STK32B: variants seen among roughly 807,000 people sequenced by gnomAD.
STK32B encodes serine/threonine-protein kinase 32B.
A neutral mutation model predicts 52.6 loss-of-function variants in STK32B; 43 were observed. The observed-to-expected ratio is 0.82, with a 90% CI of 0.64 to 1.05. STK32B has a LOEUF of 1.05. STK32B is among the 50% of genes least tolerant of loss of function. STK32B has a pLI of 0.00. For missense variants in STK32B, 621 were observed against 534.6 expected, an observed-to-expected ratio of 1.16 and a Z score of -1.59; for synonymous variants, 238 against 204.3, an observed-to-expected ratio of 1.17 and a Z score of -1.41.
chr4:5,288,689 T>C (rs548187510), intron 3 of STK32B, among the ~76,000 whole-genome samples: 1 of 152,320 alleles, frequency 6.6e-6, no homozygotes, highest in Admixed American at 6.5e-5. Context: ...TTCTCTGGAT[T>C]GTCTTTCTGC....
chr4:5,240,044 C>A (rs1007242062), intron 3 of STK32B, among the ~76,000 whole-genome samples: 4 of 137,072 alleles, frequency 2.9e-5, no homozygotes, highest in Admixed American at 2.8e-4. Context: ...TTCCCCCCTT[C>A]ATTTCTCTTC....
At chr4:5,498,702 C>T (rs149320715) in intron 11 of STK32B, among the ~76,000 whole-genome samples, 1,546 of 152,334 alleles carry the variant, frequency 0.01, 11 homozygotes, top group Middle Eastern at 0.031. Context: ...TATCTCCATT[C>T]TGTAGACAGA....
intron 3 of STK32B, among the ~76,000 whole-genome samples, chr4:5,250,310 CTTTTTTTTTTTTT>C (rs143911318): frequency 1.0e-4 from 12 of 119,260 alleles, no homozygotes; most frequent in African/African-American, 3.8e-4. Context: ...GTTTTAAGTT[CTTTTTTTTTTTTT>C]TTTTTTTGAG....
chr4:5,050,135 C>A (rs964011599), upstream of STK32B, among the ~76,000 whole-genome samples: 2 of 152,196 alleles, frequency 1.3e-5, no homozygotes, highest in South Asian at 4.1e-4. Flanking sequence ...TTGCCTGCTG[C>A]ACACTGGCTA....
At chr4:5,455,618 C>G (rs1716435620) in intron 7 of STK32B, among the ~76,000 whole-genome samples, 1 of 152,056 alleles carries the variant, frequency 6.6e-6, no homozygotes, top group Non-Finnish European at 1.5e-5. Flanking sequence ...AACCCCAAAC[C>G]CAGGGACCAA....
At chr4:5,070,125 C>T (rs1711670815) in intron 1 of STK32B, among the ~76,000 whole-genome samples, 1 of 152,184 alleles carries the variant, frequency 6.6e-6, no homozygotes, top group South Asian at 2.1e-4. Flanking sequence ...TCAGGCGGTT[C>T]TTTCTCATTT....
intron 5 of STK32B, 143 bp from the exon 6 acceptor site, chr4:5,416,701 AT>A: frequency 1.7e-6 from 1 of 588,804 alleles, no homozygotes; most frequent in Non-Finnish European, 2.9e-6. Flanking sequence ...CAAAATAAAC[AT>A]TTTTAAAGTA....
chr4:5,121,718 C>T (rs769326165), intron 1 of STK32B, among the ~76,000 whole-genome samples: 4 of 152,246 alleles, frequency 2.6e-5, no homozygotes, highest in East Asian at 1.9e-4. Flanking sequence ...AACAAAGCCT[C>T]AGGTCCTAGT....
At chr4:5,223,893 T>C (rs1340610066) in intron 3 of STK32B, among the ~76,000 whole-genome samples, 1 of 152,170 alleles carries the variant, frequency 6.6e-6, no homozygotes, top group Non-Finnish European at 1.5e-5. Context: ...GTTTTGGACT[T>C]ACTGAGACCT....
chr4:5,026,881 CA>C, the STK32B span, among the ~76,000 whole-genome samples: 2 of 152,210 alleles, frequency 1.3e-5, no homozygotes, highest in Non-Finnish European at 2.9e-5. Context: ...AGTCCAGCAG[CA>C]GCTTCCATCT....
rs1183387679 is a variant in STK32B, at chr4:5,265,191, G to C, written c.261-66029G>C. ...AAATCTTTTCCTAATAAATTTCTTTGGTCCTTCGTTAGAATCTGGACAATG... is the reference window on the plus strand; with the variant it reads ...AAATCTTTTCCTAATAAATTTCTTTCGTCCTTCGTTAGAATCTGGACAATG... On this transcript the variant is annotated intron_variant, in intron 3 of 11. Coordinates refer to ENST00000282908, the MANE Select transcript of STK32B (RefSeq NM_018401.3). Among the ~76,000 whole-genome samples, 4 of 152,202 alleles carry C rather than the reference G, an allele frequency of 2.6e-5. No individual in the cohort carries two copies. The East Asian group carries it at 7.7e-4, about 29-fold the overall frequency.
intron 11 of STK32B, among the ~76,000 whole-genome samples, chr4:5,480,573 G>A (rs1004692245): frequency 5.9e-5 from 9 of 151,980 alleles, no homozygotes; most frequent in Admixed American, 5.2e-4. Flanking sequence ...GGATTGTGGA[G>A]ACCACGTTTT....
chr4:5,332,100 T>C (rs1168207918), intron 4 of STK32B, among the ~76,000 whole-genome samples: 1 of 152,168 alleles, frequency 6.6e-6, no homozygotes, highest in South Asian at 2.1e-4. Flanking sequence ...TTAACTAATT[T>C]TGAAAGATTT....
intron 4 of STK32B, among the ~76,000 whole-genome samples, chr4:5,347,626 C>A (rs1284973575): frequency 6.6e-6 from 1 of 152,152 alleles, no homozygotes; most frequent in African/African-American, 2.4e-5. Context: ...CTCTGTGTCC[C>A]CACCCAAATC....
At chr4:5,445,270 C>T (rs1715284747) in intron 6 of STK32B, among the ~76,000 whole-genome samples, 1 of 152,132 alleles carries the variant, frequency 6.6e-6, no homozygotes, top group Non-Finnish European at 1.5e-5. Context: ...AGCCAGCGCC[C>T]CCAGGTCAAC....
At chr4:5,147,742 CTG>C (rs1717023442) in intron 2 of STK32B, among the ~76,000 whole-genome samples, 1 of 151,966 alleles carries the variant, frequency 6.6e-6, no homozygotes, top group Admixed American at 6.6e-5. Flanking sequence ...TTTAAACCAA[CTG>C]TGTATTACTG....
chr4:5,215,389 A>C, intron 3 of STK32B, among the ~76,000 whole-genome samples: 1 of 152,196 alleles, frequency 6.6e-6, no homozygotes, highest in Non-Finnish European at 1.5e-5. Flanking sequence ...CAGGACTTCC[A>C]ACATCATTTT....
At chr4:5,317,507 T>C (rs1238061674) in intron 3 of STK32B, among the ~76,000 whole-genome samples, 2 of 102,874 alleles carry the variant, frequency 1.9e-5, no homozygotes, top group Admixed American at 1.2e-4. Flanking sequence ...ATATTATATA[T>C]GTATAATATA....
intron 3 of STK32B, among the ~76,000 whole-genome samples, chr4:5,274,019 A>C (rs1727630046): frequency 6.7e-6 from 1 of 150,314 alleles, no homozygotes. Flanking sequence ...AAAACAAAAC[A>C]AACAAAAAAA....
Sources: gnomAD v4.1 joint callset for allele counts (sites outside exome capture counted in the v4.1 genomes callset) on GRCh38, gnomAD v4.1.1 for gene constraint, MANE v1.5 for transcripts, NCBI Gene and HGNC (gene_info 2026-07-23, HGNC 2026-07-21) for gene names.